Variants in GANC observed in about 807,000 individuals in gnomAD.
GANC encodes the protein glucosidase alpha, neutral C.
GANC carries 117 observed loss-of-function variants against 124.2 expected under a neutral mutation model. The ratio of observed to expected loss-of-function variants is 0.94; its 90% CI spans 0.81 to 1.10. GANC has a LOEUF of 1.10. Among genes scored for constraint, GANC ranks in the 50% least tolerant of loss-of-function variants. GANC has a pLI of 0.00. For synonymous variants in GANC, 377 were observed against 376.8 expected (o/e 1.00, Z -0.01); for missense variants, 1,140 against 1,095.0 (o/e 1.04, Z -0.58).
intron 10 of GANC, among the ~76,000 whole-genome samples, chr15:42,320,714 G>T (rs2052149107): frequency 6.6e-6 from 1 of 152,184 alleles, no homozygotes; most frequent in South Asian, 2.1e-4. Flanking sequence ...CTCCCAAAGT[G>T]CTGGGATTAC....
Position 42,326,425 on chromosome 15 carries a change from G to A in GANC, c.1420+1G>A. ...GACTTTGAAGGGGTGTGTTGGCCAG[G>A]TATGAAATCACTTTATACACTTATT... On this transcript the variant is annotated splice_donor_variant, in intron 12 of 23. Transcript: ENST00000318010. LOFTEE classifies it high-confidence loss of function. The A allele has an allele frequency of 1.2e-6, 2 of 1,613,892 alleles. No individual in the cohort carries two copies. The highest frequency in any genetic ancestry group is 1.7e-6 in the Non-Finnish European group (2 of 1,179,858).
At chr15:42,325,333 A>T (rs1033525138) in intron 11 of GANC, among the ~76,000 whole-genome samples, 4 of 152,170 alleles carry the variant, frequency 2.6e-5, no homozygotes, top group African/African-American at 9.7e-5. Flanking sequence ...TTAAACTTTA[A>T]TATTCAGGAC....
chr15:42,310,975 A>C (rs1182198851), intron 10 of GANC, 129 bp downstream of exon 10: 1 of 1,020,206 alleles, frequency 9.8e-7, no homozygotes, highest in Non-Finnish European at 1.4e-6. Context: ...TTTAATTAGC[A>C]AGCATTTCTG....
At chr15:42,284,318 C>A (rs1401568195) in intron 3 of GANC, 1 of 314,586 alleles carries the variant, frequency 3.2e-6, no homozygotes, top group Non-Finnish European at 5.9e-6. Flanking sequence ...CAACACTATG[C>A]TTGAAGACAT....
Position 42,294,383 on chromosome 15 carries a change from G to T in GANC, c.512+1466G>T, listed in dbSNP as rs1389454891. Among the ~76,000 whole-genome samples the T allele has an allele frequency of 1.3e-5, 2 of 150,994 alleles. 1 individual carries two copies. The highest frequency in any genetic ancestry group is 4.9e-5 in the African/African-American group (2 of 40,472). On this transcript the variant is annotated intron_variant, in intron 5 of 23. Transcript: ENST00000318010. ...GAGGTCAGGAGTTCGAGACCAGCCT[G>T]GCCAACATGGTGAAACCCTGTCTCT... is the stretch of plus-strand genomic sequence containing the variant.
intron 6 of GANC, among the ~76,000 whole-genome samples, chr15:42,298,717 G>T: frequency 6.6e-6 from 1 of 152,152 alleles, no homozygotes; most frequent in Non-Finnish European, 1.5e-5. Flanking sequence ...TTTATCATTT[G>T]TGTTCTCGCT....
Position 42,343,267 on chromosome 15 carries a change from T to C in GANC, c.2229+113T>C, listed in dbSNP as rs1473678353. On this transcript the variant is annotated intron_variant, in intron 19 of 23. Coordinates refer to ENST00000318010, the MANE Select transcript of GANC (RefSeq NM_198141.3). ...TTTGTGAACACACCCCAGATGACTA[T>C]AGCAAGTAATTATTATAATAAGTCA... The C allele has an allele frequency of 6.0e-6, 5 of 831,294 alleles. No individual in the cohort carries two copies. The Admixed American group carries it at 6.6e-5, about 11-fold the overall frequency. The allele number at this position is 831,294 out of a possible 1,614,324, so 51.5% of individuals were successfully genotyped here.
intron 6 of GANC, among the ~76,000 whole-genome samples, chr15:42,305,173 A>G (rs1282844811): frequency 6.6e-6 from 1 of 152,200 alleles, no homozygotes; most frequent in African/African-American, 2.4e-5. Flanking sequence ...GTGAACAAGC[A>G]ACCTACAGAA....
chr15:42,323,875 A>G (rs1659218), intron 11 of GANC, among the ~76,000 whole-genome samples: 3 of 151,956 alleles, frequency 2.0e-5, no homozygotes, highest in African/African-American at 7.3e-5. Flanking sequence ...GAAGAGGGCA[A>G]TGCAGCCAGA....
chr15:42,310,185 TG>T, intron 8 of GANC, 97 bp from the exon 9 acceptor site: 1 of 892,688 alleles, frequency 1.1e-6, no homozygotes, highest in Non-Finnish European at 1.6e-6. Context: ...CAAAGATGCG[TG>T]GGACCTAAGT....
At chr15:42,302,522 T>C (rs373097080) in intron 6 of GANC, among the ~76,000 whole-genome samples, 4 of 152,146 alleles carry the variant, frequency 2.6e-5, no homozygotes, top group African/African-American at 9.6e-5. Flanking sequence ...TGACAGAAAG[T>C]AGGCTTCAGA....
intron 19 of GANC, chr15:42,343,397 C>A: frequency 2.1e-6 from 1 of 480,982 alleles, no homozygotes; most frequent in Non-Finnish European, 3.8e-6. Flanking sequence ...AGTCTTCACA[C>A]TTTGACTAGT....
intron 19 of GANC, among the ~76,000 whole-genome samples, chr15:42,345,181 A>G (rs770165206): frequency 3.9e-5 from 6 of 152,046 alleles, no homozygotes; most frequent in Non-Finnish European, 5.9e-5. Flanking sequence ...CCCTTGATAG[A>G]TAACAACCTT....
intron 4 of GANC, among the ~76,000 whole-genome samples, chr15:42,288,170 A>G (rs1004248404): frequency 1.3e-5 from 2 of 152,138 alleles, no homozygotes; most frequent in Admixed American, 6.5e-5. Flanking sequence ...AAAGCTACTT[A>G]TTACTCACTC....
intron 5 of GANC, among the ~76,000 whole-genome samples, chr15:42,297,221 A>G (rs1277371040): frequency 6.6e-6 from 1 of 152,204 alleles, no homozygotes; most frequent in East Asian, 1.9e-4. Flanking sequence ...AAAAATGATA[A>G]AAGTATTTTT....
intron 10 of GANC, 150 bp downstream of exon 10, chr15:42,310,996 C>T (rs1192452668): frequency 1.2e-6 from 1 of 829,144 alleles, no homozygotes; most frequent in Non-Finnish European, 1.9e-6. Context: ...TTCCCATCCT[C>T]ATCCCATTCA....
At chr15:42,310,921 A>T in intron 10 of GANC, 75 bp downstream of exon 10, 1 of 1,493,456 alleles carries the variant, frequency 6.7e-7, no homozygotes, top group Non-Finnish European at 9.2e-7. Flanking sequence ...CGGTAAGTTA[A>T]TATTTGTTGT....
At chr15:42,308,898 T>G (rs898733597) in intron 8 of GANC, among the ~76,000 whole-genome samples, 1 of 152,206 alleles carries the variant, frequency 6.6e-6, no homozygotes, top group South Asian at 2.1e-4. Context: ...GTGATCAGAA[T>G]AGAGGGAAGA....
intron 3 of GANC, 96 bp downstream of exon 3, chr15:42,278,686 C>A (rs2051701155): frequency 2.4e-6 from 2 of 829,274 alleles, no homozygotes; most frequent in African/African-American, 1.7e-5. Context: ...CAAAAATAAA[C>A]CTCGTTAGAA....
Sources: allele counts gnomAD v4.1 joint callset (sites outside exome capture counted in the v4.1 genomes callset), GRCh38; gene constraint gnomAD v4.1.1; transcripts MANE v1.5; gene names NCBI Gene and HGNC (gene_info 2026-07-23, HGNC 2026-07-21).